VTA1: variants seen among roughly 807,000 people sequenced by gnomAD.
The protein encoded by VTA1 is vesicle trafficking 1, also known as vacuolar protein sorting-associated protein VTA1 homolog.
Under a neutral mutation model 36.9 loss-of-function variants are expected in VTA1, and 24 were observed. The observed-to-expected ratio is 0.65, with a 90% confidence interval of 0.47 to 0.91. The LOEUF (loss-of-function observed/expected upper bound fraction) is 0.91, where lower values mean the gene tolerates loss of function less well. Among genes scored for constraint, VTA1 ranks in the 40% least tolerant of loss-of-function variants. The pLI, the probability that VTA1 is intolerant of heterozygous loss-of-function variation, is 0.00. For missense variants in VTA1, 393 were observed against 377.2 expected, an observed-to-expected ratio of 1.04 and a Z score of -0.35; for synonymous variants, 142 against 130.2, an observed-to-expected ratio of 1.09 and a Z score of -0.62.
At chr6:142,205,329 C>T (rs931457042) in intron 7 of VTA1, among the ~76,000 whole-genome samples, 1 of 151,912 alleles carries the variant, frequency 6.6e-6, no homozygotes, top group Non-Finnish European at 1.5e-5. Flanking sequence ...GGATTTATTT[C>T]CTTCTGTGTT....
At chr6:142,212,118 T>C (rs1395404841) in intron 7 of VTA1, among the ~76,000 whole-genome samples, 1 of 152,210 alleles carries the variant, frequency 6.6e-6, no homozygotes. Context: ...CAGTTTCTTA[T>C]TTAACTAAAT....
chr6:142,187,984 T>G (rs1775375954), intron 4 of VTA1, among the ~76,000 whole-genome samples: 1 of 146,988 alleles, frequency 6.8e-6, no homozygotes, highest in Admixed American at 7.0e-5. Context: ...CTTGGCTCAC[T>G]GCAACCTCTG....
chr6:142,186,372 C>T (rs1276585929), intron 4 of VTA1, among the ~76,000 whole-genome samples: 1 of 152,026 alleles, frequency 6.6e-6, no homozygotes, highest in Non-Finnish European at 1.5e-5. Flanking sequence ...AAAAGATTGA[C>T]ACGAATGGAT....
At chr6:142,215,548 G>A (rs1582908519) in intron 7 of VTA1, among the ~76,000 whole-genome samples, 2 of 152,242 alleles carry the variant, frequency 1.3e-5, no homozygotes, top group Admixed American at 1.3e-4. Context: ...ACTATTGTTG[G>A]AATTGTTAAG....
chr6:142,217,698 C>A (rs1435948854), intron 7 of VTA1, among the ~76,000 whole-genome samples: 1 of 151,892 alleles, frequency 6.6e-6, no homozygotes, highest in African/African-American at 2.4e-5. Context: ...TGCCTCCCAG[C>A]CTTCTGATTA....
At chr6:142,195,595 CTTT>C (rs72442499) in intron 5 of VTA1, among the ~76,000 whole-genome samples, 1,007 of 70,676 alleles carry the variant, frequency 0.014, 13 homozygotes, top group African/African-American at 0.047. Flanking sequence ...GTTTAATTTG[CTTT>C]TTTTTTTTTT....
At chr6:142,192,592 T>C (rs1439696970) in intron 5 of VTA1, among the ~76,000 whole-genome samples, 1 of 152,070 alleles carries the variant, frequency 6.6e-6, no homozygotes, top group East Asian at 1.9e-4. Flanking sequence ...TTAAACATTC[T>C]CTCATTGATT....
chr6:142,152,109 A>T (rs79677102), intron 1 of VTA1, among the ~76,000 whole-genome samples: 1 of 147,828 alleles, frequency 6.8e-6, no homozygotes, highest in Non-Finnish European at 1.5e-5. Flanking sequence ...TGTTATTACT[A>T]TTTTTTTTTT....
intron 1 of VTA1, among the ~76,000 whole-genome samples, chr6:142,148,315 C>A (rs1206777373): frequency 6.6e-6 from 1 of 152,204 alleles, no homozygotes; most frequent in African/African-American, 2.4e-5. Flanking sequence ...TGTGCAAGGC[C>A]TTTTCAGACC....
chr6:142,173,244 G>T (rs1257670776), intron 4 of VTA1, among the ~76,000 whole-genome samples: 5 of 152,146 alleles, frequency 3.3e-5, no homozygotes, highest in Non-Finnish European at 5.9e-5. Context: ...TGAGAGAGAT[G>T]ACTAAATAAA....
chr6:142,166,480 T>C (rs969317821), intron 2 of VTA1, among the ~76,000 whole-genome samples, 158 bp downstream of exon 2: 1 of 152,248 alleles, frequency 6.6e-6, no homozygotes. Context: ...TTTCATTTAT[T>C]TGCTGTATAC....
At chr6:142,185,388 C>T (rs2114660908) in intron 4 of VTA1, among the ~76,000 whole-genome samples, 1 of 152,208 alleles carries the variant, frequency 6.6e-6, no homozygotes, top group Non-Finnish European at 1.5e-5. Flanking sequence ...GTTAACTATA[C>T]ATACCTTATG....
At chr6:142,182,345 G>A (rs897486144) in intron 4 of VTA1, among the ~76,000 whole-genome samples, 14 of 152,102 alleles carry the variant, frequency 9.2e-5, no homozygotes, top group African/African-American at 3.1e-4. Context: ...TGAGAATGAG[G>A]GTGGTGGGGG....
At chr6:142,200,190 C>T (rs1333377623) in intron 6 of VTA1, among the ~76,000 whole-genome samples, 1 of 152,084 alleles carries the variant, frequency 6.6e-6, no homozygotes, top group Non-Finnish European at 1.5e-5. Context: ...ATTAATCATA[C>T]TTACTTCTCA....
At chr6:142,173,397 G>C (rs1286380446) in intron 4 of VTA1, among the ~76,000 whole-genome samples, 1 of 152,196 alleles carries the variant, frequency 6.6e-6, no homozygotes, top group Non-Finnish European at 1.5e-5. Flanking sequence ...ATGGTTTATT[G>C]TGCTCTGGGC....
At position 142,224,305 on chromosome 6, in the gene VTA1, T is replaced by A. The variant is rs1776163772; in HGVS notation, c.*5662T>A. ...TTTTGTCTTTTCGACCCCTCGGCTATGTTATTTGTATTGTGATATAGGGGA... is the reference window on the plus strand; with the variant it reads ...TTTTGTCTTTTCGACCCCTCGGCTAAGTTATTTGTATTGTGATATAGGGGA... On this transcript the variant is annotated 3_prime_UTR_variant, in exon 8 of 8. Coordinates refer to ENST00000367630, the MANE Select transcript of VTA1 (RefSeq NM_016485.5). 6.6e-6 allele frequency: 1 copy of A among 152,240 alleles called. No individual in the cohort carries two copies. Among genetic ancestry groups the A allele is most frequent in the Non-Finnish European group, 1.5e-5 (1 of 68,052 alleles). The allele number at this position is 152,240 out of a possible 1,614,324, so 9.4% of individuals were successfully genotyped here. A position where few individuals can be genotyped will look rare whatever the true frequency, so the allele number is the denominator to read the frequency against.
In VTA1 at chr6:142,198,487, C is replaced by G. The variant is rs1335896232; in HGVS notation, c.569C>G (p.Pro190Arg). The change falls in exon 6 of 8, where the codon CCA becomes CGA. Residue 190 changes from proline to arginine, a missense_variant. Coordinates refer to ENST00000367630, the MANE Select transcript of VTA1 (RefSeq NM_016485.5). Reference sequence around the variant, plus strand: ...GGAGCAGCCTCTCTGCCCACTCAGCCAACTCAGCCATCATCATCTTCAACT... The same window carrying G: ...GGAGCAGCCTCTCTGCCCACTCAGCGAACTCAGCCATCATCATCTTCAACT... ...DAGAASLPTQ[P>R]TQPSSSSTYD... 3.7e-6 allele frequency: 6 copies of G among 1,613,922 alleles called. No individual in the cohort carries two copies. The highest frequency in any genetic ancestry group is 1.3e-5 in the African/African-American group (1 of 74,904).
intron 5 of VTA1, among the ~76,000 whole-genome samples, chr6:142,193,116 C>T (rs1188176684): frequency 6.6e-6 from 1 of 152,058 alleles, no homozygotes; most frequent in Non-Finnish European, 1.5e-5. Flanking sequence ...AGTAGCTCCC[C>T]AGGATTTCTA....
Position 142,218,774 on chromosome 6 carries a change from G to A in VTA1, c.*131G>A. 9.2e-7 allele frequency: 1 copy of A among 1,082,922 alleles called. No homozygotes were observed. The highest frequency in any genetic ancestry group is 1.3e-6 in the Non-Finnish European group (1 of 796,650). 67.1% of individuals were successfully genotyped at this position (1,082,922 alleles called of 1,614,324 possible). A position where few individuals can be genotyped will look rare whatever the true frequency, so the allele number is the denominator to read the frequency against. On this transcript the variant is annotated 3_prime_UTR_variant, in exon 8 of 8. Transcript: ENST00000367630. ...TTGAATATGACAATGAAATCTGTGT[G>A]TATCAGATTTTTATTGAAGCATTCA...
Sources: gnomAD v4.1 joint callset for allele counts (sites outside exome capture counted in the v4.1 genomes callset) on GRCh38, gnomAD v4.1.1 for gene constraint, MANE v1.5 for transcripts, NCBI Gene and HGNC (gene_info 2026-07-23, HGNC 2026-07-21) for gene names.